RAB38: variants seen among roughly 807,000 people sequenced by gnomAD.
The protein encoded by RAB38 is ras-related protein Rab-38.
Under a neutral mutation model 18.4 loss-of-function variants are expected in RAB38, and 15 were observed. That is an observed-to-expected ratio of 0.82 (90% CI 0.55 to 1.26). RAB38 has a LOEUF of 1.26. Ranked by LOEUF, RAB38 falls within the 50% of genes most tolerant of loss-of-function variation. The pLI is 0.00. For missense variants in RAB38, 294 were observed against 267.4 expected (o/e 1.10, Z -0.69); for synonymous variants, 101 against 104.4 (o/e 0.97, Z 0.20).
chr11:87,956,290 T>C, the RAB38 span, among the ~76,000 whole-genome samples: 29 of 152,180 alleles, frequency 1.9e-4, no homozygotes, highest in Non-Finnish European at 3.8e-4. Flanking sequence ...AAATAAATTG[T>C]AGCTATTGTT....
At chr11:87,952,515 C>T in the RAB38 span, among the ~76,000 whole-genome samples, 2 of 152,182 alleles carry the variant, frequency 1.3e-5, no homozygotes, top group Non-Finnish European at 2.9e-5. Context: ...TTTCAGAATA[C>T]CATATTCCTT....
the RAB38 span, among the ~76,000 whole-genome samples, chr11:88,008,299 T>C: frequency 6.6e-6 from 1 of 152,112 alleles, no homozygotes; most frequent in African/African-American, 2.4e-5. Context: ...ATAGCTAAAA[T>C]TAAAATCTGA....
chr11:87,863,561 G>A, the RAB38 span, among the ~76,000 whole-genome samples: 3 of 138,186 alleles, frequency 2.2e-5, no homozygotes, highest in South Asian at 2.2e-4. Flanking sequence ...AGAAACAGAA[G>A]GCAGGACTCT....
chr11:87,936,317 GGT>G, the RAB38 span, among the ~76,000 whole-genome samples: 3 of 152,118 alleles, frequency 2.0e-5, no homozygotes, highest in African/African-American at 7.2e-5. Context: ...TAATGTAGAA[GGT>G]GTGAGACAGG....
chr11:88,020,852 G>T, the RAB38 span, among the ~76,000 whole-genome samples: 1 of 151,970 alleles, frequency 6.6e-6, no homozygotes, highest in Non-Finnish European at 1.5e-5. Context: ...ACAACCAGTG[G>T]GCCAATGAAG....
chr11:87,905,067 C>G, the RAB38 span, among the ~76,000 whole-genome samples: 4 of 151,632 alleles, frequency 2.6e-5, no homozygotes, highest in Non-Finnish European at 5.9e-5. Context: ...AGAGTCTCTT[C>G]ATTTTTTTCC....
the RAB38 span, among the ~76,000 whole-genome samples, chr11:87,968,853 A>T: frequency 6.6e-6 from 1 of 152,126 alleles, no homozygotes; most frequent in East Asian, 1.9e-4. Context: ...TAATGTGTAC[A>T]CCTGGACATA....
chr11:88,056,943 T>G, the RAB38 span, among the ~76,000 whole-genome samples: 1 of 152,224 alleles, frequency 6.6e-6, no homozygotes, highest in Non-Finnish European at 1.5e-5. Context: ...TCCCAGTTTC[T>G]TCAGTGATTC....
At chr11:87,855,873 C>G in the RAB38 span, among the ~76,000 whole-genome samples, 2 of 151,444 alleles carry the variant, frequency 1.3e-5, no homozygotes, top group African/African-American at 2.4e-5. Context: ...TTAAAAAGCT[C>G]TCTCTTTGTA....
At chr11:88,082,483 G>C in the RAB38 span, among the ~76,000 whole-genome samples, 1 of 151,674 alleles carries the variant, frequency 6.6e-6, no homozygotes, top group Admixed American at 6.6e-5. Flanking sequence ...ATATCTAATA[G>C]GAACCTCAAA....
the RAB38 span, among the ~76,000 whole-genome samples, chr11:87,964,166 A>C: frequency 6.6e-6 from 1 of 152,222 alleles, no homozygotes; most frequent in South Asian, 2.1e-4. Flanking sequence ...ACCATTTATT[A>C]GTGTGTCTAT....
the RAB38 span, among the ~76,000 whole-genome samples, chr11:87,948,690 G>C: frequency 7.4e-6 from 1 of 135,446 alleles, no homozygotes; most frequent in Non-Finnish European, 1.6e-5. Context: ...TTATATGCTG[G>C]ATTTATTGAT....
chr11:87,955,652 C>T, the RAB38 span, among the ~76,000 whole-genome samples: 1 of 151,928 alleles, frequency 6.6e-6, no homozygotes, highest in African/African-American at 2.4e-5. Context: ...ACATTTAGCT[C>T]TTATATCTAT....
chr11:87,860,838 A>T, the RAB38 span, among the ~76,000 whole-genome samples: 1 of 151,630 alleles, frequency 6.6e-6, no homozygotes, highest in African/African-American at 2.4e-5. Context: ...TGAGTTGGAG[A>T]TTTTTGGAGA....
chr11:87,820,885 A>G, the RAB38 span, among the ~76,000 whole-genome samples: 3 of 152,216 alleles, frequency 2.0e-5, no homozygotes, highest in Non-Finnish European at 4.4e-5. Flanking sequence ...CATATTAGAG[A>G]GAGAAGAATA....
the RAB38 span, among the ~76,000 whole-genome samples, chr11:87,949,604 G>A: frequency 6.6e-6 from 1 of 151,994 alleles, no homozygotes; most frequent in African/African-American, 2.4e-5. Context: ...TGTTCTCATT[G>A]GTTTCAAAGA....
chr11:87,848,164 A>G, the RAB38 span, among the ~76,000 whole-genome samples: 1 of 152,150 alleles, frequency 6.6e-6, no homozygotes, highest in African/African-American at 2.4e-5. Flanking sequence ...GCTTTCAGAA[A>G]ATTCTTTTAC....
chr11:88,154,838 G>C (rs1268983436), intron 1 of RAB38, among the ~76,000 whole-genome samples: 1 of 152,148 alleles, frequency 6.6e-6, no homozygotes, highest in African/African-American at 2.4e-5. Context: ...CCTGAACATA[G>C]ACCATGAGGC....
chr11:88,063,707 A>C, the RAB38 span, among the ~76,000 whole-genome samples: 1 of 152,264 alleles, frequency 6.6e-6, no homozygotes, highest in African/African-American at 2.4e-5. Flanking sequence ...GTAGTGAATA[A>C]GTCCCATGAG....
Sources: gnomAD v4.1 joint callset for allele counts (sites outside exome capture counted in the v4.1 genomes callset) on GRCh38, gnomAD v4.1.1 for gene constraint, MANE v1.5 for transcripts, NCBI Gene and HGNC (gene_info 2026-07-23, HGNC 2026-07-21) for gene names.